Variants in RBPJ observed in about 807,000 individuals in gnomAD.
RBPJ encodes recombination signal binding protein for immunoglobulin kappa J region.
RBPJ carries 9 observed loss-of-function variants against 67.8 expected under a neutral mutation model. The ratio of observed to expected loss-of-function variants is 0.13; its 90% CI spans 0.08 to 0.23. RBPJ has a LOEUF of 0.23. RBPJ is among the 10% of genes least tolerant of loss of function. RBPJ has a pLI of 1.00. For missense variants in RBPJ, 305 were observed against 595.6 expected (o/e 0.51, Z 5.08); for synonymous variants, 198 against 203.3 (o/e 0.97, Z 0.22).
chr4:26,385,724 A>T (rs1325277681), intron 1 of RBPJ, among the ~76,000 whole-genome samples: 1 of 151,926 alleles, frequency 6.6e-6, no homozygotes, highest in Non-Finnish European at 1.5e-5. Flanking sequence ...TTACATTTTT[A>T]AAATGAAGCC....
At chr4:26,379,453 G>T (rs1007026293) in intron 1 of RBPJ, among the ~76,000 whole-genome samples, 6 of 152,114 alleles carry the variant, frequency 3.9e-5, no homozygotes, top group African/African-American at 1.4e-4. Context: ...TGGCTGGGGA[G>T]GCCTCAGGAA....
In RBPJ at chr4:26,253,635, C is replaced by T. The variant is rs74667152; in HGVS notation, c.-167+90021C>T. On this transcript the variant is annotated intron_variant, in intron 1 of 4. Coordinates refer to the RBPJ transcript ENST00000512351. Reference sequence around the variant, plus strand: ...GAAAATATTTCTAAAACCTTTCAGCCCATTTTTAGAGAGTATATTTTGCTG... The same window carrying T: ...GAAAATATTTCTAAAACCTTTCAGCTCATTTTTAGAGAGTATATTTTGCTG... Among the ~76,000 whole-genome samples the T allele has an allele frequency of 9.6e-3, 1,437 of 149,338 alleles. 21 individuals are homozygous for T. Among genetic ancestry groups the T allele is most frequent in the Non-Finnish European group, 0.013 (901 of 67,986 alleles).
chr4:26,390,135 A>C (rs760975966), intron 2 of RBPJ, among the ~76,000 whole-genome samples: 3 of 152,232 alleles, frequency 2.0e-5, no homozygotes, highest in Admixed American at 6.5e-5. Flanking sequence ...CAGTTCATGT[A>C]ATTCAGTATA....
intron 1 of RBPJ, among the ~76,000 whole-genome samples, chr4:26,193,874 T>C (rs1483861627): frequency 6.6e-6 from 1 of 152,152 alleles, no homozygotes; most frequent in Non-Finnish European, 1.5e-5. Flanking sequence ...CTTCTCAGCC[T>C]CTATCTCCCT....
At chr4:26,141,267 C>T in the RBPJ span, among the ~76,000 whole-genome samples, 1 of 152,242 alleles carries the variant, frequency 6.6e-6, no homozygotes, top group Non-Finnish European at 1.5e-5. Flanking sequence ...CCAACTCTGG[C>T]CTCTCTAACC....
At chr4:26,350,557 A>G (rs1240833734) in intron 1 of RBPJ, among the ~76,000 whole-genome samples, 3 of 152,224 alleles carry the variant, frequency 2.0e-5, no homozygotes, top group African/African-American at 7.2e-5. Flanking sequence ...TATGACTTTA[A>G]ACCTTGCTCG....
intron 2 of RBPJ, among the ~76,000 whole-genome samples, chr4:26,402,318 T>C (rs2109724828): frequency 6.6e-6 from 1 of 152,266 alleles, no homozygotes; most frequent in East Asian, 1.9e-4. Context: ...CCCTATTCCC[T>C]CCCTTGGAAT....
chr4:26,431,283 TTTTG>T lies in RBPJ; in HGVS notation c.*281_*284del. The T allele has an allele frequency of 3.2e-6, 1 of 314,996 alleles. No individual in the cohort carries two copies. Among genetic ancestry groups the T allele is most frequent in the African/African-American group, 2.2e-5 (1 of 45,906 alleles). The allele number at this position is 314,996 out of a possible 1,614,324, so 19.5% of individuals were successfully genotyped here. ...CTGTTTTGTTGGTTGGTTGGTTGGT[TTTTG>T]TTTGGTTTTGTTTAAATGGGCAAGA... On this transcript the variant is annotated 3_prime_UTR_variant, in exon 11 of 11. Transcript: ENST00000355476.
intron 1 of RBPJ, among the ~76,000 whole-genome samples, chr4:26,235,445 TAAAAAC>T (rs1719424894): frequency 6.6e-6 from 1 of 152,232 alleles, no homozygotes; most frequent in African/African-American, 2.4e-5. Context: ...GATTAACATT[TAAAAAC>T]AAAAACAAAA....
At chr4:26,320,693 T>C (rs1275577319), upstream of RBPJ, 7 of 1,516,248 alleles carry the variant, frequency 4.6e-6, no homozygotes, top group Non-Finnish European at 5.3e-6. Context: ...CCTCCGGTTT[T>C]CCTCAGTCTC....
intron 1 of RBPJ, among the ~76,000 whole-genome samples, chr4:26,294,806 G>A (rs1429701191): frequency 1.3e-5 from 2 of 151,930 alleles, no homozygotes; most frequent in East Asian, 3.9e-4. Context: ...CACCTGGGAG[G>A]TGAAGGTTGC....
chr4:26,174,736 C>T (rs563384262), intron 1 of RBPJ, among the ~76,000 whole-genome samples: 2 of 152,122 alleles, frequency 1.3e-5, no homozygotes, highest in Non-Finnish European at 2.9e-5. Flanking sequence ...TCCCAAAGTG[C>T]TAGGATTACA....
chr4:26,339,076 C>A (rs1725223300), intron 1 of RBPJ, among the ~76,000 whole-genome samples: 1 of 152,086 alleles, frequency 6.6e-6, no homozygotes, highest in African/African-American at 2.4e-5. Flanking sequence ...CCACCTTGGC[C>A]TCCCAAAATG....
At chr4:26,345,154 T>C (rs1726002000) in intron 1 of RBPJ, among the ~76,000 whole-genome samples, 1 of 152,224 alleles carries the variant, frequency 6.6e-6, no homozygotes, top group Admixed American at 6.5e-5. Flanking sequence ...TTATAAGAGA[T>C]ATAAAGGTTT....
intron 1 of RBPJ, among the ~76,000 whole-genome samples, chr4:26,228,324 T>C (rs966959662): frequency 3.3e-5 from 5 of 152,200 alleles, no homozygotes; most frequent in Non-Finnish European, 7.3e-5. Context: ...GGTTATTCCT[T>C]TTAAAATACA....
intron 1 of RBPJ, among the ~76,000 whole-genome samples, chr4:26,192,036 T>A (rs1428803396): frequency 1.4e-5 from 2 of 147,880 alleles, no homozygotes; most frequent in Non-Finnish European, 3.0e-5. Flanking sequence ...TGAGGCAGAG[T>A]CTCACTCTGT....
chr4:26,376,429 A>G (rs1425538185), intron 1 of RBPJ, among the ~76,000 whole-genome samples: 3 of 152,148 alleles, frequency 2.0e-5, no homozygotes, highest in Non-Finnish European at 2.9e-5. Flanking sequence ...TTCAAGGTTT[A>G]TTCATGTTGT....
At chr4:26,371,447 T>G (rs1256393793) in intron 1 of RBPJ, among the ~76,000 whole-genome samples, 1 of 152,188 alleles carries the variant, frequency 6.6e-6, no homozygotes, top group Non-Finnish European at 1.5e-5. Flanking sequence ...TGTATGCTAT[T>G]AAGAAAAAAT....
chr4:26,388,603 C>G (rs1183221041), intron 2 of RBPJ, among the ~76,000 whole-genome samples: 1 of 108,044 alleles, frequency 9.3e-6, no homozygotes. Context: ...ATTACACACA[C>G]ACTCTCTCTC....
Sources: allele counts gnomAD v4.1 joint callset (sites outside exome capture counted in the v4.1 genomes callset), GRCh38; gene constraint gnomAD v4.1.1; transcripts MANE v1.5; gene names NCBI Gene and HGNC (gene_info 2026-07-23, HGNC 2026-07-21).